PCSK1: variants seen among roughly 807,000 people sequenced by gnomAD.
PCSK1 encodes neuroendocrine convertase 1.
PCSK1 carries 56 observed loss-of-function variants against 90.6 expected under a neutral mutation model. The ratio of observed to expected loss-of-function variants is 0.62; its 90% CI spans 0.50 to 0.77. The LOEUF (loss-of-function observed/expected upper bound fraction) is 0.77, where lower values mean the gene tolerates loss of function less well. PCSK1 is among the 30% of genes least tolerant of loss of function. The probability of loss-of-function intolerance (pLI) is 0.00; values close to 1 mark genes in which losing one functional copy is unlikely to be tolerated. For missense variants in PCSK1, 801 were observed against 932.6 expected (o/e 0.86, Z 1.84); for synonymous variants, 348 against 342.4 (o/e 1.02, Z -0.18).
chr5:96,429,033 CTTG>C (rs1039393081), intron 2 of PCSK1, among the ~76,000 whole-genome samples, 177 bp downstream of exon 2: 5 of 151,908 alleles, frequency 3.3e-5, no homozygotes, highest in African/African-American at 1.2e-4. Context: ...TCAACCCAAT[CTTG>C]TTATTATTAT....
intron 11 of PCSK1, among the ~76,000 whole-genome samples, chr5:96,398,386 C>T (rs766074836): frequency 2.0e-5 from 3 of 152,160 alleles, no homozygotes; most frequent in Non-Finnish European, 2.9e-5. Context: ...TTAGTGCCCT[C>T]GCAGGAAAAA....
chr5:96,423,282 A>G, intron 4 of PCSK1, 31 bp downstream of exon 4: 1 of 1,589,038 alleles, frequency 6.3e-7, no homozygotes, highest in Non-Finnish European at 8.6e-7. Context: ...ACAGCTCCCT[A>G]AGTCACAGTC....
At chr5:96,413,713 A>G (rs2112425361) in intron 6 of PCSK1, among the ~76,000 whole-genome samples, 1 of 150,958 alleles carries the variant, frequency 6.6e-6, no homozygotes, top group South Asian at 2.1e-4. Flanking sequence ...GGCACAAGAA[A>G]TGCTTGAACC....
rs1491283341 is a variant in PCSK1 at position 96,419,327 on chromosome 5, A to AT, written c.620+2552_620+2553insA. On this transcript the variant is annotated intron_variant, in intron 5 of 13. Transcript: ENST00000311106. ...TTAAGTGAGATATATATATATATAT[A>AT]AAACCTCACTTTAACCCCTAACTCA... 1.0e-3 allele frequency among the ~76,000 whole-genome samples: 145 copies of AT among 141,532 alleles called. 1 individual carries two copies. The highest frequency in any genetic ancestry group is 3.6e-3 in the Middle Eastern group (1 of 278). The allele number at this position is 141,532 out of a possible 152,430, so 92.9% of individuals were successfully genotyped here. A position where few individuals can be genotyped will look rare whatever the true frequency, so the allele number is the denominator to read the frequency against.
At chr5:96,412,562 T>C (rs964760423) in intron 6 of PCSK1, 72 bp from the exon 7 acceptor site, 1 of 1,331,528 alleles carries the variant, frequency 7.5e-7, no homozygotes. Flanking sequence ...CCCAATACTC[T>C]TACTATTTGT....
chr5:96,409,015 G>T (rs569928987), intron 8 of PCSK1, among the ~76,000 whole-genome samples: 1 of 152,148 alleles, frequency 6.6e-6, no homozygotes, highest in Non-Finnish European at 1.5e-5. Flanking sequence ...TGTAAAATGC[G>T]ATTTATATTT....
At chr5:96,421,056 G>C (rs901561510) in intron 5 of PCSK1, among the ~76,000 whole-genome samples, 1 of 152,168 alleles carries the variant, frequency 6.6e-6, no homozygotes, top group Non-Finnish European at 1.5e-5. Context: ...TGAGAACATC[G>C]GTATGAGCAA....
chr5:96,425,758 G>T, intron 3 of PCSK1, 62 bp downstream of exon 3: 8 of 872,266 alleles, frequency 9.2e-6, no homozygotes, highest in Non-Finnish European at 1.6e-5. Flanking sequence ...TGTTGCAAAT[G>T]TAACAACATA....
At chr5:96,402,241 C>T (rs765184412) in intron 9 of PCSK1, among the ~76,000 whole-genome samples, 5 of 152,326 alleles carry the variant, frequency 3.3e-5, no homozygotes, top group East Asian at 1.9e-4. Context: ...TGACCATAGG[C>T]GATTTCAAAG....
rs1760299305 is a variant in PCSK1 at position 96,400,052 on chromosome 5, A to G, written c.1331T>C (p.Leu444Pro). Residue 444 changes from leucine (L) to proline (P), a missense_variant, in exon 10 of 14, where the codon CTA becomes CCA. Physicochemically the swap from Leu to Pro is moderately conservative, Grantham distance 98. Transcript: ENST00000311106. The part of the protein sequence containing the change: ...MVNSRFGFGL[L>P]NAKALVDLAD... The stretch of plus-strand genomic sequence containing the variant: ...TAAATCCACCAGAGCTTTGGCATTT[A>G]GCAAGCCAAATCCAAATCGACTATT... The G allele has an allele frequency of 6.2e-7, 1 of 1,614,156 alleles. No homozygotes were observed. Among genetic ancestry groups the G allele is most frequent in the Non-Finnish European group, 8.5e-7 (1 of 1,179,990 alleles).
chr5:96,397,439 T>A lies in PCSK1; in HGVS notation c.1619A>T (p.Glu540Val), dbSNP rs774476517. ...AAAGCCATTAGGAGATGTATCCCGT[T>A]CTCTTTCAGCCAAGAGCACAGTGCT... ...GTSTVLLAER[E>V]RDTSPNGFKN... The change falls in exon 12 of 14, where the codon GAA (glutamate) becomes GTA (valine). Residue 540 changes from glutamate to valine, a missense_variant. Transcript: ENST00000311106. 6.2e-7 allele frequency: 1 copy of A among 1,613,112 alleles called. No individual in the cohort carries two copies. The highest frequency in any genetic ancestry group is 8.5e-7 in the Non-Finnish European group (1 of 1,179,074).
intron 1 of PCSK1, among the ~76,000 whole-genome samples, chr5:96,432,438 G>T (rs1334916968): frequency 6.6e-6 from 1 of 152,188 alleles, no homozygotes; most frequent in Non-Finnish European, 1.5e-5. Flanking sequence ...ATATTGAAAA[G>T]AAGGCAACAG....
chr5:96,425,072 G>GAAAGAAAGAA (rs1288722049), intron 3 of PCSK1, among the ~76,000 whole-genome samples: 1 of 142,856 alleles, frequency 7.0e-6, no homozygotes, highest in Non-Finnish European at 1.6e-5. Context: ...AAGAAAGAAA[G>GAAAGAAAGAA]AAAACGTAGG....
chr5:96,416,998 T>C (rs1025975286), intron 5 of PCSK1, among the ~76,000 whole-genome samples: 7 of 152,216 alleles, frequency 4.6e-5, no homozygotes, highest in Admixed American at 6.5e-5. Context: ...GATTTTATTC[T>C]ATTGTGGAAA....
chr5:96,433,172 G>A lies in PCSK1; in HGVS notation c.-130C>T, dbSNP rs1761562526. On this transcript the variant is annotated 5_prime_UTR_variant, in exon 1 of 14. Transcript: ENST00000311106. ...CACTCCTGGCTCCTGGTTGCTCTGC[G>A]AAGAGCTAGGAGGCGCGAGAGGAGA... is the stretch of plus-strand genomic sequence containing the variant. 3 of 873,214 alleles carry A rather than the reference G, an allele frequency of 3.4e-6. No homozygotes were observed. Among genetic ancestry groups the A allele is most frequent in the Non-Finnish European group, 5.6e-6 (3 of 532,018 alleles). 54.1% of individuals were successfully genotyped at this position (873,214 alleles called of 1,614,324 possible). A position where few individuals can be genotyped will look rare whatever the true frequency, so the allele number is the denominator to read the frequency against.
intron 9 of PCSK1, among the ~76,000 whole-genome samples, chr5:96,406,292 G>A (rs140495159): frequency 2.1e-3 from 325 of 152,166 alleles, no homozygotes; most frequent in African/African-American, 7.6e-3. Context: ...TTCACTGCTT[G>A]GACAATTATT....
rs1554059782 is a variant in PCSK1, at chr5:96,425,048, G to GAAAGAAAA, written c.396+771_396+772insTTTTCTTT. ...AGAAAGAAAGAAAGAAAGAAAGAAA[G>GAAAGAAAA]AAAGAAAGAAAGAAAGAAAGAAAGA... On this transcript the variant is annotated intron_variant, in intron 3 of 13. Transcript: ENST00000311106. Among the ~76,000 whole-genome samples, 118 of 123,974 alleles carry GAAAGAAAA rather than the reference G, an allele frequency of 9.5e-4. 1 individual carries two copies. Among genetic ancestry groups the GAAAGAAAA allele is most frequent in the Non-Finnish European group, 1.3e-3 (72 of 57,522 alleles). 81.3% of individuals were successfully genotyped at this position (123,974 alleles called of 152,430 possible).
chr5:96,420,688 G>C lies in PCSK1; in HGVS notation c.620+1192C>G, dbSNP rs1431531556. Reference sequence around the variant, plus strand: ...CTATCCAAAGAAAGAAATAACTTTAGATCAGTATTACTGCACCAGCCACTT... The same window carrying C: ...CTATCCAAAGAAAGAAATAACTTTACATCAGTATTACTGCACCAGCCACTT... On this transcript the variant is annotated intron_variant, in intron 5 of 13. Coordinates refer to ENST00000311106, the MANE Select transcript of PCSK1 (RefSeq NM_000439.5). 7.2e-5 allele frequency among the ~76,000 whole-genome samples: 10 copies of C among 139,560 alleles called. No homozygotes were observed. In the Admixed American group the frequency reaches 7.3e-4, roughly 10 times the overall value. The allele number at this position is 139,560 out of a possible 152,430, so 91.6% of individuals were successfully genotyped here.
At chr5:96,396,809 C>T (rs1760165533) in intron 12 of PCSK1, among the ~76,000 whole-genome samples, 1 of 152,092 alleles carries the variant, frequency 6.6e-6, no homozygotes, top group African/African-American at 2.4e-5. Flanking sequence ...TGTTAGTAAA[C>T]AGAATGAAAA....
Sources: gnomAD v4.1 joint callset for allele counts (sites outside exome capture counted in the v4.1 genomes callset) on GRCh38, gnomAD v4.1.1 for gene constraint, MANE v1.5 for transcripts, NCBI Gene and HGNC (gene_info 2026-07-23, HGNC 2026-07-21) for gene names.